The following EPSTI1 variants were observed in gnomAD, a reference collection of about 807,000 sequenced individuals.
The protein encoded by EPSTI1 is epithelial-stromal interaction protein 1.
EPSTI1 carries 66 observed loss-of-function variants against 49.9 expected under a neutral mutation model. The ratio of observed to expected loss-of-function variants is 1.32; its 90% CI spans 1.08 to 1.62. EPSTI1 has a LOEUF of 1.62. Among genes scored for constraint, EPSTI1 ranks in the 40% most tolerant of loss-of-function variants. The pLI is 0.00. For synonymous variants in EPSTI1, 137 were observed against 130.7 expected (o/e 1.05, Z -0.33); for missense variants, 394 against 365.5 (o/e 1.08, Z -0.64).
At chr13:42,945,525 T>C (rs1162534229) in intron 6 of EPSTI1, among the ~76,000 whole-genome samples, 2 of 152,254 alleles carry the variant, frequency 1.3e-5, no homozygotes, top group Non-Finnish European at 2.9e-5. Context: ...ATTCATTTTA[T>C]AGGCAGTAGG....
At chr13:42,982,283 C>G (rs1033973363) in intron 1 of EPSTI1, among the ~76,000 whole-genome samples, 1 of 152,178 alleles carries the variant, frequency 6.6e-6, no homozygotes, top group African/African-American at 2.4e-5. Context: ...TGACAGTTTA[C>G]AAATGCCATG....
intron 3 of EPSTI1, among the ~76,000 whole-genome samples, chr13:42,967,921 A>G (rs2153432617): frequency 6.6e-6 from 1 of 152,322 alleles, no homozygotes; most frequent in Non-Finnish European, 1.5e-5. Context: ...CTGGATTCCT[A>G]CCTGAAACAG....
intron 6 of EPSTI1, among the ~76,000 whole-genome samples, chr13:42,944,639 T>C (rs1477833620): frequency 1.3e-5 from 2 of 152,116 alleles, no homozygotes; most frequent in Admixed American, 6.6e-5. Flanking sequence ...TGCGCGTTCT[T>C]CACATGTATC....
intron 6 of EPSTI1, among the ~76,000 whole-genome samples, chr13:42,938,645 G>A (rs985738181): frequency 2.6e-5 from 4 of 152,064 alleles, no homozygotes; most frequent in Non-Finnish European, 5.9e-5. Context: ...TGGGTGCAGC[G>A]GCTCACCCCT....
At chr13:42,927,424 C>A (rs188296139) in intron 6 of EPSTI1, among the ~76,000 whole-genome samples, 1 of 152,190 alleles carries the variant, frequency 6.6e-6, no homozygotes. Context: ...ACCAGACTTG[C>A]GCAGCCTGTT....
chr13:42,907,352 T>C (rs1423037862), intron 8 of EPSTI1, among the ~76,000 whole-genome samples: 3 of 152,240 alleles, frequency 2.0e-5, no homozygotes, highest in Non-Finnish European at 4.4e-5. Context: ...ATGGTATTTA[T>C]TCCAAACTCC....
At chr13:42,934,590 T>C in intron 6 of EPSTI1, 1 of 153,860 alleles carries the variant, frequency 6.5e-6, no homozygotes, top group East Asian at 1.9e-4. Flanking sequence ...TACCTGTTCC[T>C]GACCTTTCTA....
intron 8 of EPSTI1, among the ~76,000 whole-genome samples, chr13:42,910,362 A>G (rs1409955311): frequency 6.7e-6 from 1 of 150,128 alleles, no homozygotes; most frequent in Non-Finnish European, 1.5e-5. Flanking sequence ...CCTGGGTTCA[A>G]GTGATTTGCA....
chr13:42,923,284 G>T (rs1337380628), intron 7 of EPSTI1, among the ~76,000 whole-genome samples: 1 of 151,900 alleles, frequency 6.6e-6, no homozygotes, highest in Non-Finnish European at 1.5e-5. Context: ...CATAAGGCCG[G>T]GTGCGGTGGC....
At chr13:42,954,183 T>C (rs569319434) in intron 5 of EPSTI1, among the ~76,000 whole-genome samples, 162 bp from the exon 6 acceptor site, 21 of 152,352 alleles carry the variant, frequency 1.4e-4, no homozygotes, top group African/African-American at 4.1e-4. Flanking sequence ...GTCAGACCCA[T>C]GGGCACTGCA....
chr13:42,923,819 C>T (rs982923048), intron 7 of EPSTI1, among the ~76,000 whole-genome samples: 1 of 152,280 alleles, frequency 6.6e-6, no homozygotes. Flanking sequence ...TTTACATTGA[C>T]ATAATTTTCT....
intron 6 of EPSTI1, among the ~76,000 whole-genome samples, chr13:42,931,448 A>G (rs1032935460): frequency 6.7e-6 from 1 of 148,712 alleles, no homozygotes; most frequent in Non-Finnish European, 1.5e-5. Flanking sequence ...CTCATGATCC[A>G]CCCGCCTCGG....
intron 6 of EPSTI1, among the ~76,000 whole-genome samples, chr13:42,927,068 C>A (rs9533306): frequency 3.3e-5 from 5 of 151,636 alleles, no homozygotes; most frequent in East Asian, 1.9e-4. Context: ...ATAAACCCTC[C>A]ATAGGGTTTA....
rs367669792 is a variant in EPSTI1, at chr13:42,969,078, G to A, written c.331+16C>T. On this transcript the variant is annotated intron_variant, in intron 3 of 10. Coordinates refer to ENST00000313624, the MANE Select transcript of EPSTI1 (RefSeq NM_033255.5). ...CCCCGCCCTCCCTCATTCCGGCAGC[G>A]GCTGTGCTTGCTTACCTAGCCGTCT... 11 of 1,613,740 alleles carry A rather than the reference G, an allele frequency of 6.8e-6. No individual in the cohort carries two copies. Among genetic ancestry groups the A allele is most frequent in the African/African-American group, 5.3e-5 (4 of 74,908 alleles).
chr13:42,974,533 C>T (rs2039839998), intron 1 of EPSTI1, among the ~76,000 whole-genome samples: 1 of 151,914 alleles, frequency 6.6e-6, no homozygotes, highest in African/African-American at 2.4e-5. Context: ...GTGGTGGGCG[C>T]CTATAGTTCC....
chr13:42,888,966 G>A (rs1325352443), intron 10 of EPSTI1, among the ~76,000 whole-genome samples: 2 of 152,234 alleles, frequency 1.3e-5, no homozygotes, highest in Non-Finnish European at 2.9e-5. Flanking sequence ...CCTACCATGT[G>A]CAAAGGGTCA....
intron 5 of EPSTI1, 26 bp downstream of exon 5, chr13:42,963,229 T>C: frequency 6.4e-7 from 1 of 1,574,634 alleles, no homozygotes; most frequent in Admixed American, 1.7e-5. Context: ...GATCAGCAAA[T>C]GTGAACTAAT....
intron 3 of EPSTI1, among the ~76,000 whole-genome samples, chr13:42,965,885 A>C (rs1594742894): frequency 1.8e-5 from 1 of 56,528 alleles, no homozygotes; most frequent in Non-Finnish European, 4.0e-5. Flanking sequence ...GCTCACTGCA[A>C]CCTCCCTGCC....
At chr13:42,974,263 G>A (rs374126888) in intron 1 of EPSTI1, among the ~76,000 whole-genome samples, 2 of 152,128 alleles carry the variant, frequency 1.3e-5, no homozygotes, top group Admixed American at 1.3e-4. Flanking sequence ...TTGATCCCAG[G>A]GGGCAGAGGT....
Sources: gnomAD v4.1 joint callset for allele counts (sites outside exome capture counted in the v4.1 genomes callset) on GRCh38, gnomAD v4.1.1 for gene constraint, MANE v1.5 for transcripts, NCBI Gene and HGNC (gene_info 2026-07-23, HGNC 2026-07-21) for gene names.